KCNH1: variants seen among roughly 807,000 people sequenced by gnomAD.
KCNH1 encodes potassium voltage-gated channel subfamily H member 1.
In KCNH1, 27 loss-of-function variants were observed where a neutral mutation model predicts 69.2. The ratio of observed to expected loss-of-function variants is 0.39; its 90% CI spans 0.29 to 0.54. KCNH1 has a LOEUF of 0.54. Among genes scored for constraint, KCNH1 ranks in the 20% least tolerant of loss-of-function variants. The pLI is 0.68. For synonymous variants in KCNH1, 456 were observed against 487.7 expected, an observed-to-expected ratio of 0.93 and a Z score of 0.86; for missense variants, 798 against 1,261.6, an observed-to-expected ratio of 0.63 and a Z score of 5.57.
At chr1:210,958,064 C>G (rs530702273) in intron 6 of KCNH1, among the ~76,000 whole-genome samples, 1 of 152,140 alleles carries the variant, frequency 6.6e-6, no homozygotes, top group Non-Finnish European at 1.5e-5. Context: ...TTGTTCCTTT[C>G]CATGTTTAGT....
Position 210,683,513 on chromosome 1 carries a change from G to T in KCNH1, c.2738C>A (p.Ser913Ter). 1.9e-6 allele frequency: 3 copies of T among 1,614,120 alleles called. No homozygotes were observed. Among genetic ancestry groups the T allele is most frequent in the Non-Finnish European group, 2.5e-6 (3 of 1,180,010 alleles). The change falls in exon 11 of 11, where the codon TCG becomes TAG. Residue 913 changes from serine to a stop codon, truncating the protein, a stop_gained. Transcript: ENST00000271751. LOFTEE classifies it high-confidence loss of function. The surrounding 1 kb of genome is among the most constrained non-coding windows in gnomAD (Gnocchi z 5.7). Reference sequence around the variant, plus strand: ...CGTCTGCTCAGGGATGGGGTAGAACGAATGCTTGACCTCTGCCAGGATGGG... The same window carrying T: ...CGTCTGCTCAGGGATGGGGTAGAACTAATGCTTGACCTCTGCCAGGATGGG... ...RSPILAEVKH[S>*]FYPIPEQTLQ... is the part of the protein sequence containing the mutation.
At chr1:211,025,485 G>C (rs1474681189) in intron 5 of KCNH1, among the ~76,000 whole-genome samples, 1 of 152,080 alleles carries the variant, frequency 6.6e-6, no homozygotes, top group African/African-American at 2.4e-5. Context: ...TGTGATTAAG[G>C]AAGCTTGGAT....
intron 7 of KCNH1, among the ~76,000 whole-genome samples, chr1:210,855,291 A>C (rs1685808310): frequency 1.3e-5 from 2 of 152,294 alleles, no homozygotes; most frequent in South Asian, 2.1e-4. Flanking sequence ...TTTCTAAGCA[A>C]AGAATTTAAA....
At chr1:211,123,101 G>A (rs1691717100) in intron 1 of KCNH1, among the ~76,000 whole-genome samples, 1 of 152,064 alleles carries the variant, frequency 6.6e-6, no homozygotes, top group Non-Finnish European at 1.5e-5. Flanking sequence ...GAGTGTAGGG[G>A]ACACACTTGT....
intron 10 of KCNH1, among the ~76,000 whole-genome samples, chr1:210,701,825 C>G (rs953100289): frequency 7.9e-5 from 12 of 152,052 alleles, no homozygotes; most frequent in African/African-American, 2.4e-4. Context: ...TGGCTGTTTT[C>G]CAGGCCTGGG....
intron 7 of KCNH1, among the ~76,000 whole-genome samples, chr1:210,881,519 T>C (rs1240953302): frequency 2.0e-5 from 3 of 152,222 alleles, no homozygotes; most frequent in African/African-American, 7.2e-5. Flanking sequence ...CTACTTGTTA[T>C]GATTGGTATC....
intron 7 of KCNH1, among the ~76,000 whole-genome samples, chr1:210,894,142 C>G (rs1170063867): frequency 6.6e-6 from 1 of 152,160 alleles, no homozygotes; most frequent in Non-Finnish European, 1.5e-5. Flanking sequence ...GAATGTCAGA[C>G]ATTGTGAATA....
chr1:211,022,145 A>G (rs1689597383), intron 5 of KCNH1, among the ~76,000 whole-genome samples: 1 of 152,196 alleles, frequency 6.6e-6, no homozygotes, highest in Admixed American at 6.5e-5. Flanking sequence ...CCAATGGAAC[A>G]GAACAGAGAA....
chr1:210,793,461 T>A (rs1389293679), intron 9 of KCNH1, among the ~76,000 whole-genome samples: 1 of 152,262 alleles, frequency 6.6e-6, no homozygotes. Context: ...TAATATACAT[T>A]TCATATGGCA....
In KCNH1 at chr1:210,845,313, G is replaced by A. The variant is rs549967489; in HGVS notation, c.1463-41147C>T. Among the ~76,000 whole-genome samples, 26 of 152,202 alleles carry A rather than the reference G, an allele frequency of 1.7e-4. No homozygotes were observed. In the East Asian group the frequency reaches 4.8e-3, roughly 28 times the overall value. On this transcript the variant is annotated intron_variant, in intron 7 of 10. Transcript: ENST00000271751. ...TAGACCAATATCCTTGATGAACATCGATGCAAAAATCCTCAATAAAATACT... is the reference window on the plus strand; with the variant it reads ...TAGACCAATATCCTTGATGAACATCAATGCAAAAATCCTCAATAAAATACT...
At chr1:210,722,508 G>GGATGGAGAAGGGCCTGGTAGTGTT (rs1682495276) in intron 10 of KCNH1, among the ~76,000 whole-genome samples, 1 of 152,158 alleles carries the variant, frequency 6.6e-6, no homozygotes, top group Non-Finnish European at 1.5e-5. Context: ...TGGGAGCAGG[G>GGATGGAGAAGGGCCTGGTAGTGTT]GATGGAGAAG....
chr1:210,795,499 T>C (rs1035380131), intron 9 of KCNH1, among the ~76,000 whole-genome samples: 1 of 152,242 alleles, frequency 6.6e-6, no homozygotes, highest in African/African-American at 2.4e-5. Flanking sequence ...CAGTGTATGC[T>C]GAAGGAATAT....
At chr1:211,112,394 C>T (rs948378302) in intron 1 of KCNH1, among the ~76,000 whole-genome samples, 12 of 151,414 alleles carry the variant, frequency 7.9e-5, no homozygotes, top group African/African-American at 2.4e-4. Context: ...TCCTCTGCCC[C>T]GCCGCTGTGC....
intron 7 of KCNH1, among the ~76,000 whole-genome samples, chr1:210,833,962 A>G (rs1685224503): frequency 1.3e-5 from 2 of 152,266 alleles, no homozygotes; most frequent in Non-Finnish European, 1.5e-5. Flanking sequence ...CATCAGAGAA[A>G]TGCAAGTCAA....
At chr1:210,737,084 A>G (rs1682898544) in intron 10 of KCNH1, among the ~76,000 whole-genome samples, 1 of 152,236 alleles carries the variant, frequency 6.6e-6, no homozygotes, top group Admixed American at 6.5e-5. Flanking sequence ...CCACGTGGTG[A>G]TCAGATCTTT....
intron 9 of KCNH1, among the ~76,000 whole-genome samples, chr1:210,793,567 A>T (rs1684251066): frequency 6.6e-6 from 1 of 152,256 alleles, no homozygotes; most frequent in African/African-American, 2.4e-5. Flanking sequence ...CTCAGTTATG[A>T]GTACTGACCC....
chr1:211,002,556 AAAT>A (rs1454800754), intron 6 of KCNH1, among the ~76,000 whole-genome samples: 2 of 152,104 alleles, frequency 1.3e-5, no homozygotes, highest in Non-Finnish European at 2.9e-5. Context: ...TGTAGACATT[AAAT>A]AATTATCCTT....
rs909808522 is a variant in KCNH1 at position 210,946,629 on chromosome 1, C to T, written c.1033-26560G>A. ...TGGCCCAAATTTGTGTTTTATTCTA[C>T]ACCTGCACTATTCTCAGCACCTCAC... On this transcript the variant is annotated intron_variant, in intron 6 of 10. Transcript: ENST00000271751. Among the ~76,000 whole-genome samples, 7 of 152,160 alleles carry T rather than the reference C, an allele frequency of 4.6e-5. No individual in the cohort carries two copies. In the South Asian group the frequency reaches 8.3e-4, roughly 18 times the overall value.
intron 6 of KCNH1, among the ~76,000 whole-genome samples, chr1:211,004,250 C>T (rs1689238663): frequency 6.6e-6 from 1 of 152,026 alleles, no homozygotes; most frequent in South Asian, 2.1e-4. Flanking sequence ...AAGGGTGTTC[C>T]TCAGGCAGAA....
Sources: allele counts gnomAD v4.1 joint callset (sites outside exome capture counted in the v4.1 genomes callset), GRCh38; gene constraint gnomAD v4.1.1; non-coding constraint Gnocchi (gnomAD v3.1); transcripts MANE v1.5; gene names NCBI Gene and HGNC (gene_info 2026-07-23, HGNC 2026-07-21).